The following SMOC1 variants were observed in gnomAD, a reference collection of about 807,000 sequenced individuals.
The protein encoded by SMOC1 is SPARC-related modular calcium-binding protein 1.
In SMOC1, 22 loss-of-function variants were observed where a neutral mutation model predicts 56.3. The observed-to-expected ratio is 0.39, with a 90% CI of 0.28 to 0.56. The LOEUF is 0.56. SMOC1 is among the 20% of genes least tolerant of loss of function. The pLI is 0.61. For synonymous variants in SMOC1, 193 were observed against 215.0 expected (o/e 0.90, Z 0.89); for missense variants, 509 against 565.4 (o/e 0.90, Z 1.01).
chr14:70,017,184 A>G (rs1885548496), intron 10 of SMOC1, among the ~76,000 whole-genome samples: 1 of 152,206 alleles, frequency 6.6e-6, no homozygotes, highest in African/African-American at 2.4e-5. Context: ...CAGAGGGTCA[A>G]CCAACCACCA....
intron 1 of SMOC1, among the ~76,000 whole-genome samples, chr14:69,944,357 G>C (rs1052787992): frequency 1.3e-5 from 2 of 152,178 alleles, no homozygotes; most frequent in Non-Finnish European, 2.9e-5. Context: ...GGGCCGGCGT[G>C]TGCACAGTCC....
intron 7 of SMOC1, among the ~76,000 whole-genome samples, chr14:70,005,562 G>A (rs1490357327): frequency 6.6e-6 from 1 of 152,170 alleles, no homozygotes; most frequent in African/African-American, 2.4e-5. Flanking sequence ...ACAAGGGGTG[G>A]ACATGGTTTC....
intron 1 of SMOC1, chr14:69,885,746 CTCT>C (rs1259257689): frequency 1.3e-6 from 2 of 1,484,202 alleles, no homozygotes; most frequent in Non-Finnish European, 1.9e-6. Flanking sequence ...GACAGGTGGT[CTCT>C]TCTTCGGGAC....
chr14:69,954,823 G>T (rs1467524885), intron 3 of SMOC1, among the ~76,000 whole-genome samples: 3 of 152,184 alleles, frequency 2.0e-5, no homozygotes, highest in Admixed American at 6.5e-5. Context: ...GATCAATGTG[G>T]CAAAGGGTAT....
chr14:69,881,193 T>C (rs994803546), intron 1 of SMOC1, among the ~76,000 whole-genome samples: 25 of 152,162 alleles, frequency 1.6e-4, no homozygotes, highest in African/African-American at 5.8e-4. Context: ...AGGATGCCTT[T>C]TAAATGAAGC....
At chr14:69,948,662 C>G (rs910941965) in intron 1 of SMOC1, among the ~76,000 whole-genome samples, 1 of 152,160 alleles carries the variant, frequency 6.6e-6, no homozygotes, top group Non-Finnish European at 1.5e-5. Context: ...GAAACTTTGT[C>G]TTCCTCTCCC....
chr14:69,934,104 G>A (rs1885236535), intron 1 of SMOC1, among the ~76,000 whole-genome samples: 1 of 152,130 alleles, frequency 6.6e-6, no homozygotes, highest in South Asian at 2.1e-4. Context: ...TATGTATCTT[G>A]ATCAAGGTCC....
chr14:69,979,644 T>C (rs1884101790), intron 5 of SMOC1, among the ~76,000 whole-genome samples: 1 of 152,126 alleles, frequency 6.6e-6, no homozygotes, highest in South Asian at 2.1e-4. Flanking sequence ...AATTTTTATC[T>C]TTTAGAGACA....
At chr14:69,912,820 C>T (rs952900299) in intron 1 of SMOC1, among the ~76,000 whole-genome samples, 1 of 152,188 alleles carries the variant, frequency 6.6e-6, no homozygotes, top group Non-Finnish European at 1.5e-5. Context: ...TTGCGTCCCT[C>T]CTCGGGCTGC....
intron 3 of SMOC1, among the ~76,000 whole-genome samples, chr14:69,962,207 G>A (rs1479846393): frequency 6.6e-6 from 1 of 152,002 alleles, no homozygotes; most frequent in African/African-American, 2.4e-5. Context: ...CTGTCACCCA[G>A]GCTGGAGTGC....
intron 5 of SMOC1, among the ~76,000 whole-genome samples, chr14:69,985,025 C>A (rs117642077): frequency 0.019 from 2,765 of 149,124 alleles, 33 homozygotes; most frequent in Non-Finnish European, 0.03. Context: ...TGGAGTGAGA[C>A]CCTGTCTCAA....
At chr14:70,011,456 C>A in intron 8 of SMOC1, 29 bp from the exon 9 acceptor site, 2 of 1,347,190 alleles carry the variant, frequency 1.5e-6, no homozygotes, top group South Asian at 1.2e-5. Context: ...CAGCCCCTCC[C>A]AACCCCCCCC....
chr14:69,885,430 C>A, intron 1 of SMOC1: 1 of 1,601,406 alleles, frequency 6.2e-7, no homozygotes. Flanking sequence ...CATTGCCACC[C>A]CAGTGACGGC....
At chr14:69,937,323 A>G (rs1329441783) in intron 1 of SMOC1, among the ~76,000 whole-genome samples, 3 of 152,240 alleles carry the variant, frequency 2.0e-5, no homozygotes, top group African/African-American at 7.2e-5. Flanking sequence ...CTGGACTAAT[A>G]GAAAAAGATC....
chr14:70,017,574 G>C (rs1594857826), intron 10 of SMOC1, among the ~76,000 whole-genome samples: 1 of 152,238 alleles, frequency 6.6e-6, no homozygotes, highest in East Asian at 1.9e-4. Flanking sequence ...TCTCACTTGG[G>C]GACAGTGGGA....
At chr14:70,013,604 A>T in intron 10 of SMOC1, 113 bp downstream of exon 10, 3 of 899,020 alleles carry the variant, frequency 3.3e-6, no homozygotes, top group Non-Finnish European at 5.5e-6. Flanking sequence ...AAGGGCTGGA[A>T]GTTGATCTTT....
chr14:69,918,978 TTTTGTTTGTTTG>T (rs957812798), intron 1 of SMOC1, among the ~76,000 whole-genome samples: 1 of 152,178 alleles, frequency 6.6e-6, no homozygotes, highest in Non-Finnish European at 1.5e-5. Flanking sequence ...TCGTGGGTTT[TTTTGTTTGTTTG>T]TTTGTTTGTT....
At chr14:69,924,329 C>T (rs541320629) in intron 1 of SMOC1, among the ~76,000 whole-genome samples, 58 of 152,206 alleles carry the variant, frequency 3.8e-4, no homozygotes, top group African/African-American at 1.1e-3. Context: ...TTAACATATG[C>T]GTGACCTCAT....
At chr14:70,001,100 C>G (rs1235602555) in intron 7 of SMOC1, among the ~76,000 whole-genome samples, 1 of 152,174 alleles carries the variant, frequency 6.6e-6, no homozygotes, top group Admixed American at 6.5e-5. Flanking sequence ...CTCTGTTCCA[C>G]TGGGACTTGG....
Sources: gnomAD v4.1 joint callset for allele counts (sites outside exome capture counted in the v4.1 genomes callset) on GRCh38, gnomAD v4.1.1 for gene constraint, MANE v1.5 for transcripts, NCBI Gene and HGNC (gene_info 2026-07-23, HGNC 2026-07-21) for gene names.